Variants in STMP1 observed in about 807,000 individuals in gnomAD.
STMP1 encodes short transmembrane mitochondrial protein 1, also known as mitolamban.
Under a neutral mutation model 7.0 loss-of-function variants are expected in STMP1, and 7 were observed. That is an observed-to-expected ratio of 1.01 (90% CI 0.57 to 1.89). The LOEUF is 1.89. STMP1 is among the 40% of genes most tolerant of loss of function. The pLI, the probability that STMP1 is intolerant of heterozygous loss-of-function variation, is 0.00. For synonymous variants in STMP1, 19 were observed against 18.4 expected (o/e 1.03, Z -0.08); for missense variants, 45 against 53.0 (o/e 0.85, Z 0.47).
intron 1 of STMP1, among the ~76,000 whole-genome samples, chr7:135,663,476 C>G (rs1233669969): frequency 1.3e-5 from 2 of 151,978 alleles, no homozygotes; most frequent in Admixed American, 6.6e-5. Context: ...TCCGGAGTAG[C>G]TGGGATTACA....
rs1795386974 is a variant in STMP1 at position 135,674,253 on chromosome 7, C to T, written c.*88C>T. 16 of 1,030,634 alleles carry T rather than the reference C, an allele frequency of 1.6e-5. No individual in the cohort carries two copies. Among genetic ancestry groups the T allele is most frequent in the South Asian group, 8.0e-5 (5 of 62,738 alleles). 63.8% of individuals were successfully genotyped at this position (1,030,634 alleles called of 1,614,324 possible). ...TATCTGAACCAAAAGCTTTTGTTTT[C>T]GTCTCCAGCCTCAGCACTTCTCTTC... On this transcript the variant is annotated 3_prime_UTR_variant, in exon 3 of 3. Coordinates refer to ENST00000507606, the MANE Select transcript of STMP1 (RefSeq NM_001130929.2).
At chr7:135,672,869 G>T in intron 2 of STMP1, 63 bp downstream of exon 2, 1 of 1,367,980 alleles carries the variant, frequency 7.3e-7, no homozygotes, top group Non-Finnish European at 1.0e-6. Flanking sequence ...ACTTTTCTTT[G>T]TTTGAGGTAA....
intron 1 of STMP1, 109 bp from the exon 2 acceptor site, chr7:135,672,644 C>T (rs1795368577): frequency 5.0e-6 from 4 of 807,932 alleles, no homozygotes; most frequent in Non-Finnish European, 8.2e-6. Flanking sequence ...TCAAGGTCTT[C>T]TAACTGTCCT....
intron 1 of STMP1, among the ~76,000 whole-genome samples, chr7:135,666,902 ATTATGTGG>A (rs762149147): frequency 1.5e-3 from 231 of 152,298 alleles, no homozygotes; most frequent in Middle Eastern, 6.8e-3. Context: ...GGATTGCTGC[ATTATGTGG>A]TATCTTTATG....
chr7:135,664,032 A>G (rs191554086), intron 1 of STMP1, among the ~76,000 whole-genome samples: 16 of 152,340 alleles, frequency 1.1e-4, no homozygotes, highest in Admixed American at 5.9e-4. Context: ...GTTAAATCCA[A>G]TTAGTCAAAA....
chr7:135,667,936 A>G (rs1339250188), intron 1 of STMP1, among the ~76,000 whole-genome samples: 1 of 152,146 alleles, frequency 6.6e-6, no homozygotes, highest in Non-Finnish European at 1.5e-5. Flanking sequence ...TTAGGTCTTT[A>G]ATCCATTTTG....
Position 135,674,909 on chromosome 7 carries a change from T to A in STMP1, c.*744T>A, listed in dbSNP as rs923554401. On this transcript the variant is annotated 3_prime_UTR_variant, in exon 3 of 3. Coordinates refer to ENST00000507606, the MANE Select transcript of STMP1 (RefSeq NM_001130929.2). ...GGGATTACAGGTACATTTGATGTTATATGATGGATAAGTGAAAAGTTTTTA... is the reference window on the plus strand; with the variant it reads ...GGGATTACAGGTACATTTGATGTTAAATGATGGATAAGTGAAAAGTTTTTA... The A allele has an allele frequency of 1.3e-5, 2 of 152,238 alleles. No homozygotes were observed. The highest frequency in any genetic ancestry group is 2.9e-5 in the Non-Finnish European group (2 of 68,034). 9.4% of individuals were successfully genotyped at this position (152,238 alleles called of 1,614,324 possible).
Position 135,662,532 on chromosome 7 carries a change from G to T in STMP1, c.-48G>T. ...GGGAGGTAGGCTCGGACCGGCCCGC[G>T]GAGCTGCTGCAGTCCTTCGCGCCCT... On this transcript the variant is annotated 5_prime_UTR_variant, in exon 1 of 3. Coordinates refer to ENST00000507606, the MANE Select transcript of STMP1 (RefSeq NM_001130929.2). 6.5e-7 allele frequency: 1 copy of T among 1,534,742 alleles called. No individual in the cohort carries two copies. Among genetic ancestry groups the T allele is most frequent in the Non-Finnish European group, 8.8e-7 (1 of 1,140,038 alleles).
chr7:135,666,220 C>T (rs1010834837), intron 1 of STMP1, among the ~76,000 whole-genome samples: 1 of 150,436 alleles, frequency 6.6e-6, no homozygotes, highest in African/African-American at 2.4e-5. Context: ...GGCGTGAGCT[C>T]CTGCACCCGG....
At chr7:135,668,463 C>A (rs564874007) in intron 1 of STMP1, among the ~76,000 whole-genome samples, 1 of 152,152 alleles carries the variant, frequency 6.6e-6, no homozygotes, top group Non-Finnish European at 1.5e-5. Context: ...AGTGCAGTGG[C>A]ATGATCTCAG....
At chr7:135,674,001 T>C in intron 2 of STMP1, 90 bp from the exon 3 acceptor site, 1 of 816,784 alleles carries the variant, frequency 1.2e-6, no homozygotes, top group Non-Finnish European at 2.0e-6. Flanking sequence ...AGATAAAAGC[T>C]TGTAAAACCA....
intron 1 of STMP1, among the ~76,000 whole-genome samples, chr7:135,670,419 C>T (rs1013215839): frequency 2.0e-5 from 3 of 152,178 alleles, no homozygotes; most frequent in African/African-American, 7.2e-5. Context: ...CAGACTCATC[C>T]AAGACCTCCT....
In STMP1 at chr7:135,662,559, C is replaced by G. The variant is rs1222163963; in HGVS notation, c.-21C>G. The G allele has an allele frequency of 6.5e-7, 1 of 1,547,780 alleles. No individual in the cohort carries two copies. The highest frequency in any genetic ancestry group is 1.4e-5 in the African/African-American group (1 of 72,572). On this transcript the variant is annotated 5_prime_UTR_variant, in exon 1 of 3. Coordinates refer to ENST00000507606, the MANE Select transcript of STMP1 (RefSeq NM_001130929.2). Reference sequence around the variant, plus strand: ...AGCTGCTGCAGTCCTTCGCGCCCTCCTCGCCCTCCCCACCGACATCATGCT... The same window carrying G: ...AGCTGCTGCAGTCCTTCGCGCCCTCGTCGCCCTCCCCACCGACATCATGCT...
chr7:135,672,504 AT>A (rs897296918), intron 1 of STMP1, among the ~76,000 whole-genome samples: 5 of 151,582 alleles, frequency 3.3e-5, no homozygotes, highest in African/African-American at 1.2e-4. Flanking sequence ...TTGTTGTTTT[AT>A]TTTTTTCTTA....
At chr7:135,666,413 A>G (rs1263587111) in intron 1 of STMP1, among the ~76,000 whole-genome samples, 2 of 152,096 alleles carry the variant, frequency 1.3e-5, no homozygotes, top group South Asian at 2.1e-4. Context: ...CTGTGGTGCA[A>G]TCTCGGCTCA....
In STMP1 at chr7:135,674,151, C is replaced by T; in HGVS notation, c.130C>T (p.Pro44Ser). The part of the protein sequence containing the change: ...IKKDLDAKKK[P>S]PSA ...AAAGGACTTGGATGCCAAGAAGAAA[C>T]CCCCTAGTGCATGAGACTGCCTCCA... Residue 44 changes from proline to serine, a missense_variant, in exon 3 of 3, where the codon CCC (proline) becomes TCC (serine). Coordinates refer to ENST00000507606, the MANE Select transcript of STMP1 (RefSeq NM_001130929.2). The T allele has an allele frequency of 3.9e-6, 6 of 1,550,104 alleles. No homozygotes were observed. Among genetic ancestry groups the T allele is most frequent in the Non-Finnish European group, 5.2e-6 (6 of 1,146,506 alleles).
At chr7:135,672,901 G>A in intron 2 of STMP1, 95 bp downstream of exon 2, 2 of 1,035,662 alleles carry the variant, frequency 1.9e-6, no homozygotes, top group East Asian at 2.6e-5. Context: ...CAGCATAAAT[G>A]TAGTCCATAT....
intron 1 of STMP1, among the ~76,000 whole-genome samples, chr7:135,669,405 A>G (rs552225649): frequency 6.6e-6 from 1 of 152,332 alleles, no homozygotes; most frequent in South Asian, 2.1e-4. Context: ...AACATTGAAA[A>G]TCCTGTGCAG....
chr7:135,674,278 CTTT>C lies in STMP1; in HGVS notation c.*114_*116del. The C allele has an allele frequency of 2.5e-6, 2 of 809,632 alleles. No homozygotes were observed. The highest frequency in any genetic ancestry group is 3.8e-6 in the Non-Finnish European group (2 of 522,652). 50.2% of individuals were successfully genotyped at this position (809,632 alleles called of 1,614,324 possible). ...CGTCTCCAGCCTCAGCACTTCTCTT[CTTT>C]GCTAGACCCTGTGTTTTTTGCTTTA... is the stretch of plus-strand genomic sequence containing the variant. On this transcript the variant is annotated 3_prime_UTR_variant, in exon 3 of 3. Transcript: ENST00000507606.
Sources: gnomAD v4.1 joint callset for allele counts (sites outside exome capture counted in the v4.1 genomes callset) on GRCh38, gnomAD v4.1.1 for gene constraint, MANE v1.5 for transcripts, NCBI Gene and HGNC (gene_info 2026-07-23, HGNC 2026-07-21) for gene names.